Variants in ARHGAP39 observed in about 807,000 individuals in gnomAD.
ARHGAP39 encodes the protein Rho GTPase activating protein 39.
ARHGAP39 carries 44 observed loss-of-function variants against 106.9 expected under a neutral mutation model. The observed-to-expected ratio is 0.41, with a 90% CI of 0.32 to 0.53. The LOEUF is 0.53. Ranked by LOEUF, ARHGAP39 falls within the 20% of genes least tolerant of loss-of-function variation. The pLI is 0.21. For missense variants in ARHGAP39, 1,496 were observed against 1,577.3 expected (o/e 0.95, Z 0.87); for synonymous variants, 768 against 693.2 (o/e 1.11, Z -1.69).
At chr8:144,665,671 C>T (rs1422524861) in intron 1 of ARHGAP39, among the ~76,000 whole-genome samples, 1 of 152,230 alleles carries the variant, frequency 6.6e-6, no homozygotes, top group Non-Finnish European at 1.5e-5. Flanking sequence ...TGGCAGCTCC[C>T]ATGTGGTGTT....
chr8:144,640,812 C>T (rs563114491), intron 1 of ARHGAP39, among the ~76,000 whole-genome samples: 5 of 152,262 alleles, frequency 3.3e-5, no homozygotes, highest in South Asian at 2.1e-4. Context: ...CTCTAAATCC[C>T]GATAAATAGC....
chr8:144,536,407 C>T (rs1005071050), intron 7 of ARHGAP39, among the ~76,000 whole-genome samples: 4 of 152,242 alleles, frequency 2.6e-5, no homozygotes, highest in Middle Eastern at 3.4e-3. Flanking sequence ...CCGCAATGTC[C>T]CACTGGGCTC....
chr8:144,555,492 A>G, intron 4 of ARHGAP39, 68 bp downstream of exon 4: 1 of 1,353,566 alleles, frequency 7.4e-7, no homozygotes, highest in Non-Finnish European at 1.1e-6. Context: ...TCCCACTTGC[A>G]GTTAGCCTGG....
chr8:144,547,149 T>A lies in ARHGAP39; in HGVS notation c.1937A>T (p.Glu646Val). The change falls in exon 5 of 12, where the codon GAG becomes GTG. Residue 646 changes from glutamate to valine, a missense_variant. Physicochemically the swap from Glu to Val is moderately radical, Grantham distance 121. Coordinates refer to ENST00000377307, the MANE Select transcript of ARHGAP39 (RefSeq NM_025251.3). This position sits in a 1 kb window ranked among gnomAD's most constrained non-coding sequence, Gnocchi z 5.2. ...CACCTGTGAGGGGTGGAGGTAGGGC[T>A]CTGGTGAGGCCAGGTTGGTCTGCAC... ...VSVQTNLASPEPYLHPSQSED... is the reference protein window; with the variant it reads ...VSVQTNLASPVPYLHPSQSED... 1 of 1,606,654 alleles carries A rather than the reference T, an allele frequency of 6.2e-7. No individual in the cohort carries two copies. Among genetic ancestry groups the A allele is most frequent in the Non-Finnish European group, 8.5e-7 (1 of 1,176,756 alleles).
intron 1 of ARHGAP39, among the ~76,000 whole-genome samples, chr8:144,664,904 C>T (rs976589028): frequency 6.6e-6 from 1 of 152,062 alleles, no homozygotes; most frequent in African/African-American, 2.4e-5. Flanking sequence ...TGAAAAGATA[C>T]CTGAAAATGT....
rs1945815251 is a variant in ARHGAP39 at position 144,604,699 on chromosome 8, A to G, written c.80+836T>C. Among the ~76,000 whole-genome samples, 1 of 152,100 alleles carries G rather than the reference A, an allele frequency of 6.6e-6. No homozygotes were observed. Among genetic ancestry groups the G allele is most frequent in the African/African-American group, 2.4e-5 (1 of 41,406 alleles). On this transcript the variant is annotated intron_variant, in intron 2 of 11. Transcript: ENST00000377307. This position sits in a 1 kb window ranked among gnomAD's most constrained non-coding sequence, Gnocchi z 4.1. Reference sequence around the variant, plus strand: ...CCAGATTAAAAAAGGCCAAGGAGAGAGAGGCAGTCAGGGGCAGAGCTGACC... The same window carrying G: ...CCAGATTAAAAAAGGCCAAGGAGAGGGAGGCAGTCAGGGGCAGAGCTGACC...
In ARHGAP39 at chr8:144,587,822, C is replaced by T. The variant is rs191761001; in HGVS notation, c.81-6545G>A. ...GGCACGTGCCACCACGCCTGGCTAA[C>T]TCTTGTTTTTAGTAGAGATGGGGTT... On this transcript the variant is annotated intron_variant, in intron 2 of 11. Coordinates refer to ENST00000377307, the MANE Select transcript of ARHGAP39 (RefSeq NM_025251.3). Among the ~76,000 whole-genome samples, 533 of 152,216 alleles carry T rather than the reference C, an allele frequency of 3.5e-3. 2 individuals are homozygous for T. The highest frequency in any genetic ancestry group is 0.012 in the African/African-American group (493 of 41,532).
chr8:144,542,793 G>C (rs1817250622), intron 6 of ARHGAP39, among the ~76,000 whole-genome samples: 1 of 151,958 alleles, frequency 6.6e-6, no homozygotes, highest in South Asian at 2.1e-4. Flanking sequence ...ACAAAAACTA[G>C]CTGGGTATGG....
chr8:144,683,075 G>A (rs1284788704), intron 1 of ARHGAP39: 2 of 151,798 alleles, frequency 1.3e-5, no homozygotes, highest in Non-Finnish European at 2.9e-5. Flanking sequence ...CAGCACTTTG[G>A]GAGGCCGAGG....
At chr8:144,627,932 G>C (rs1220815560) in intron 1 of ARHGAP39, among the ~76,000 whole-genome samples, 1 of 152,174 alleles carries the variant, frequency 6.6e-6, no homozygotes, top group Non-Finnish European at 1.5e-5. Context: ...CCTTGCCCCT[G>C]CCTCGGAGCC....
intron 6 of ARHGAP39, among the ~76,000 whole-genome samples, chr8:144,538,613 G>A (rs1257656909): frequency 6.6e-6 from 1 of 152,150 alleles, no homozygotes; most frequent in African/African-American, 2.4e-5. Flanking sequence ...GCTGGAGTGA[G>A]TGGTGCGATC....
At chr8:144,663,189 G>A (rs570513877) in intron 1 of ARHGAP39, among the ~76,000 whole-genome samples, 3 of 151,152 alleles carry the variant, frequency 2.0e-5, no homozygotes, top group Non-Finnish European at 4.4e-5. Flanking sequence ...TGGCCTCTTG[G>A]TCACTAAAGC....
intron 3 of ARHGAP39, among the ~76,000 whole-genome samples, chr8:144,570,843 A>G (rs1437541227): frequency 1.3e-5 from 2 of 152,250 alleles, no homozygotes; most frequent in Non-Finnish European, 2.9e-5. Context: ...ATCAGAGAAT[A>G]CTATAAACAC....
At chr8:144,564,137 G>T (rs1818306536) in intron 3 of ARHGAP39, among the ~76,000 whole-genome samples, 1 of 152,190 alleles carries the variant, frequency 6.6e-6, no homozygotes. Context: ...TATGCTCATG[G>T]ACTGACACCA....
intron 1 of ARHGAP39, among the ~76,000 whole-genome samples, chr8:144,642,471 A>AG (rs1200043133): frequency 1.3e-5 from 2 of 151,904 alleles, no homozygotes; most frequent in Non-Finnish European, 2.9e-5. Context: ...TGGGTGACAG[A>AG]GTGAGACTCC....
At chr8:144,654,025 G>C (rs1260385141) in intron 1 of ARHGAP39, among the ~76,000 whole-genome samples, 1 of 152,214 alleles carries the variant, frequency 6.6e-6, no homozygotes, top group Non-Finnish European at 1.5e-5. Flanking sequence ...CACGAGCACT[G>C]AAAGGAGGAG....
intron 1 of ARHGAP39, among the ~76,000 whole-genome samples, chr8:144,631,845 C>T (rs898709470): frequency 6.6e-6 from 1 of 152,346 alleles, no homozygotes; most frequent in East Asian, 1.9e-4. Flanking sequence ...AAAGGGCCTC[C>T]ACACCGGGCA....
At chr8:144,530,921 G>A (rs778977574) in intron 10 of ARHGAP39, 50 bp from the exon 11 acceptor site, 1 of 1,569,084 alleles carries the variant, frequency 6.4e-7, no homozygotes, top group Non-Finnish European at 8.6e-7. Context: ...GGCACCCCTG[G>A]GCCAAATGGG....
chr8:144,559,310 G>C (rs1288310854), intron 3 of ARHGAP39, among the ~76,000 whole-genome samples: 1 of 138,918 alleles, frequency 7.2e-6, no homozygotes, highest in Non-Finnish European at 1.5e-5. Flanking sequence ...AGCTTGCAGT[G>C]AGCCGAGATC....
Sources: allele counts gnomAD v4.1 joint callset (sites outside exome capture counted in the v4.1 genomes callset), GRCh38; gene constraint gnomAD v4.1.1; non-coding constraint Gnocchi (gnomAD v3.1); transcripts MANE v1.5; gene names NCBI Gene and HGNC (gene_info 2026-07-23, HGNC 2026-07-21).